Variants in L3MBTL4 observed in about 807,000 individuals in gnomAD.
L3MBTL4 encodes the protein L3MBTL histone methyl-lysine binding protein 4, also known as lethal(3)malignant brain tumor-like protein 4.
L3MBTL4 carries 70 observed loss-of-function variants against 84.5 expected under a neutral mutation model. The observed-to-expected ratio is 0.83, with a 90% CI of 0.68 to 1.01. L3MBTL4 has a LOEUF of 1.01. L3MBTL4 is among the 50% of genes least tolerant of loss of function. The pLI is 0.00. For missense variants in L3MBTL4, 715 were observed against 754.8 expected (o/e 0.95, Z 0.62); for synonymous variants, 274 against 259.8 (o/e 1.05, Z -0.52).
At chr18:6,343,018 G>A (rs2052685976) in intron 1 of L3MBTL4, among the ~76,000 whole-genome samples, 1 of 152,112 alleles carries the variant, frequency 6.6e-6, no homozygotes, top group Non-Finnish European at 1.5e-5. Context: ...TGATAAAGGG[G>A]TCCATGCATC....
intron 1 of L3MBTL4, among the ~76,000 whole-genome samples, chr18:6,334,644 A>C (rs1264683459): frequency 6.6e-6 from 1 of 152,182 alleles, no homozygotes; most frequent in Non-Finnish European, 1.5e-5. Flanking sequence ...TAAAATAATG[A>C]AGCAGCTTAC....
At chr18:6,411,686 C>A (rs1309596267) in intron 1 of L3MBTL4, among the ~76,000 whole-genome samples, 1 of 152,090 alleles carries the variant, frequency 6.6e-6, no homozygotes, top group Non-Finnish European at 1.5e-5. Context: ...TGGAACTGTT[C>A]TTTTCTCTCA....
intron 1 of L3MBTL4, among the ~76,000 whole-genome samples, chr18:6,398,997 A>C (rs1418625740): frequency 6.6e-6 from 1 of 152,212 alleles, no homozygotes; most frequent in Non-Finnish European, 1.5e-5. Flanking sequence ...GTTGGAACAT[A>C]TGCTTCAATA....
intron 7 of L3MBTL4, among the ~76,000 whole-genome samples, chr18:6,242,231 G>A (rs1057025044): frequency 6.6e-6 from 1 of 152,076 alleles, no homozygotes; most frequent in Admixed American, 6.6e-5. Flanking sequence ...CTCGCAAAGC[G>A]CACTCCTGCC....
intron 8 of L3MBTL4, among the ~76,000 whole-genome samples, 159 bp from the exon 9 acceptor site, chr18:6,240,031 C>T (rs1255052598): frequency 1.3e-5 from 2 of 152,224 alleles, no homozygotes; most frequent in East Asian, 3.8e-4. Flanking sequence ...AAATATCCGG[C>T]AACTGTCACA....
chr18:6,037,188 G>A lies in L3MBTL4; in HGVS notation c.1444+43693C>T, dbSNP rs138236406. On this transcript the variant is annotated intron_variant, in intron 16 of 18. Transcript: ENST00000317931. Reference sequence around the variant, plus strand: ...CCTTTTTGCCCACCCTTGCTCCCACGAGCAGTGTGTAAGCTGCTCCAGGAA... The same window carrying A: ...CCTTTTTGCCCACCCTTGCTCCCACAAGCAGTGTGTAAGCTGCTCCAGGAA... Among the ~76,000 whole-genome samples the A allele has an allele frequency of 3.0e-3, 461 of 152,262 alleles. 2 individuals are homozygous for A. Among genetic ancestry groups the A allele is most frequent in the Non-Finnish European group, 4.3e-3 (293 of 68,010 alleles).
chr18:6,319,174 T>G (rs8099474), intron 1 of L3MBTL4, among the ~76,000 whole-genome samples: 2,336 of 151,998 alleles, frequency 0.015, 67 homozygotes, highest in African/African-American at 0.053. Context: ...CATAAGAAAG[T>G]CTGAAAGTTC....
At chr18:6,067,013 A>G (rs1001846397) in intron 16 of L3MBTL4, among the ~76,000 whole-genome samples, 2 of 151,110 alleles carry the variant, frequency 1.3e-5, no homozygotes, top group African/African-American at 4.9e-5. Context: ...GTTTGTCAGC[A>G]TTTGTTTGTC....
intron 16 of L3MBTL4, among the ~76,000 whole-genome samples, chr18:5,996,018 A>T (rs2053947485): frequency 6.6e-6 from 1 of 152,232 alleles, no homozygotes; most frequent in Non-Finnish European, 1.5e-5. Flanking sequence ...TGATAACTTT[A>T]CTGCAAATAT....
intron 16 of L3MBTL4, among the ~76,000 whole-genome samples, chr18:5,997,856 T>C (rs1037370865): frequency 6.6e-6 from 1 of 152,066 alleles, no homozygotes; most frequent in African/African-American, 2.4e-5. Flanking sequence ...TGGATGTTTG[T>C]GGGTTATATG....
chr18:6,211,174 T>A (rs2046089400), intron 12 of L3MBTL4, among the ~76,000 whole-genome samples: 1 of 152,336 alleles, frequency 6.6e-6, no homozygotes, highest in East Asian at 1.9e-4. Context: ...TTTCCAATAA[T>A]TATTACTCCA....
chr18:6,365,721 G>T (rs2053906697), intron 1 of L3MBTL4, among the ~76,000 whole-genome samples: 1 of 152,152 alleles, frequency 6.6e-6, no homozygotes, highest in Admixed American at 6.5e-5. Flanking sequence ...TCCATCTTCT[G>T]CAAAAATGCC....
At chr18:6,213,407 G>A in intron 11 of L3MBTL4, 148 bp from the exon 12 acceptor site, 1 of 564,448 alleles carries the variant, frequency 1.8e-6, no homozygotes, top group Non-Finnish European at 3.1e-6. Flanking sequence ...TTGCTTTTTT[G>A]TTTTTGTTTT....
chr18:6,204,383 T>C lies in L3MBTL4; in HGVS notation c.981+8766A>G, dbSNP rs562319467. Among the ~76,000 whole-genome samples the C allele has an allele frequency of 2.0e-5, 3 of 152,286 alleles. No homozygotes were observed. In the South Asian group the frequency reaches 6.2e-4, roughly 32 times the overall value. On this transcript the variant is annotated intron_variant, in intron 12 of 18. Coordinates refer to ENST00000317931, the MANE Select transcript of L3MBTL4 (RefSeq NM_001330559.2). ...CTGCTTGGGCTGGGGCCCCCACCCC[T>C]TCTCCCACAGCTGAGCCCTGATGGC...
intron 16 of L3MBTL4, among the ~76,000 whole-genome samples, chr18:5,983,171 T>C (rs1046772374): frequency 6.6e-6 from 1 of 152,184 alleles, no homozygotes; most frequent in Non-Finnish European, 1.5e-5. Flanking sequence ...CTTGTAACGA[T>C]ATGGTAAGCC....
intron 16 of L3MBTL4, among the ~76,000 whole-genome samples, chr18:5,980,032 T>A (rs1004524293): frequency 6.6e-6 from 1 of 152,156 alleles, no homozygotes; most frequent in Non-Finnish European, 1.5e-5. Flanking sequence ...ACCCTGCTTG[T>A]CCCTGGCACA....
At chr18:6,000,072 A>C (rs2054147738) in intron 16 of L3MBTL4, among the ~76,000 whole-genome samples, 1 of 152,206 alleles carries the variant, frequency 6.6e-6, no homozygotes, top group Non-Finnish European at 1.5e-5. Flanking sequence ...AATTGAACTC[A>C]TTAAGTAATG....
chr18:6,154,415 G>A (rs7241327), intron 13 of L3MBTL4, among the ~76,000 whole-genome samples: 7,687 of 152,076 alleles, frequency 0.051, 682 homozygotes, highest in African/African-American at 0.18. Flanking sequence ...TATGAAAAAG[G>A]GGGAAAGAAA....
chr18:5,960,305 C>A, intron 17 of L3MBTL4, 149 bp from the exon 18 acceptor site: 1 of 377,446 alleles, frequency 2.6e-6, no homozygotes, highest in Non-Finnish European at 4.9e-6. Flanking sequence ...TAGCATTTGT[C>A]AACTCAGAAA....
Sources: allele counts gnomAD v4.1 joint callset (sites outside exome capture counted in the v4.1 genomes callset), GRCh38; gene constraint gnomAD v4.1.1; transcripts MANE v1.5; gene names NCBI Gene and HGNC (gene_info 2026-07-23, HGNC 2026-07-21).